Variants in SKIL observed in about 807,000 individuals in gnomAD.
SKIL encodes SKI like proto-oncogene.
A neutral mutation model predicts 69.6 loss-of-function variants in SKIL; 20 were observed. The observed-to-expected ratio is 0.29, with a 90% CI of 0.20 to 0.42. SKIL has a LOEUF of 0.42. Ranked by LOEUF, SKIL falls within the 10% of genes least tolerant of loss-of-function variation. The pLI is 1.00. For synonymous variants in SKIL, 310 were observed against 279.9 expected (o/e 1.11, Z -1.08); for missense variants, 745 against 783.1 (o/e 0.95, Z 0.58).
intron 4 of SKIL, among the ~76,000 whole-genome samples, chr3:170,389,758 T>C (rs1204707540): frequency 6.6e-6 from 1 of 152,230 alleles, no homozygotes; most frequent in African/African-American, 2.4e-5. Context: ...TGTCACACAG[T>C]CTTGATTTCT....
intron 2 of SKIL, among the ~76,000 whole-genome samples, chr3:170,363,718 C>T (rs1221293070): frequency 6.6e-5 from 10 of 152,112 alleles, no homozygotes; most frequent in South Asian, 2.1e-4. Context: ...CTCCTGACCT[C>T]GGGTGATCCA....
In SKIL at chr3:170,395,931, A is replaced by C. The variant is rs201536127; in HGVS notation, c.*3514A>C. 6.8e-6 allele frequency: 1 copy of C among 146,774 alleles called. No individual in the cohort carries two copies. The highest frequency in any genetic ancestry group is 1.5e-5 in the Non-Finnish European group (1 of 66,346). The allele number at this position is 146,774 out of a possible 1,614,324, so 9.1% of individuals were successfully genotyped here. ...ATAAACAGCCTAATTTTTTTTTTCT[A>C]GTATAGGGTACTTAAGCATTTCCAC... On this transcript the variant is annotated 3_prime_UTR_variant, in exon 7 of 7. Coordinates refer to ENST00000259119, the MANE Select transcript of SKIL (RefSeq NM_005414.5).
In SKIL at chr3:170,360,288, G is replaced by GCAACTAAATAAGCAACT. The variant is rs764614226; in HGVS notation, c.-44_-43insCAACTAAATAAGCAACT. 6.0e-6 allele frequency: 9 copies of GCAACTAAATAAGCAACT among 1,496,762 alleles called. No homozygotes were observed. The highest frequency in any genetic ancestry group is 8.0e-6 in the Non-Finnish European group (9 of 1,121,008). The allele number at this position is 1,496,762 out of a possible 1,614,324, so 92.7% of individuals were successfully genotyped here. ...CTCTTTTCAAATAAGCAACTAAATA[G>GCAACTAAATAAGCAACT]AAATGCTAATCTCAGACTTAATTAT... On this transcript the variant is annotated 5_prime_UTR_variant, in exon 2 of 7. Coordinates refer to ENST00000259119, the MANE Select transcript of SKIL (RefSeq NM_005414.5).
At chr3:170,380,778 G>C (rs1293662357) in intron 2 of SKIL, among the ~76,000 whole-genome samples, 1 of 152,160 alleles carries the variant, frequency 6.6e-6, no homozygotes, top group Non-Finnish European at 1.5e-5. Context: ...GTGTCTCTGA[G>C]TTTCAGGTGA....
chr3:170,358,194 C>T (rs1331161321), intron 1 of SKIL, among the ~76,000 whole-genome samples: 6 of 152,216 alleles, frequency 3.9e-5, no homozygotes, highest in South Asian at 2.1e-4. Flanking sequence ...CTGGTGTCCT[C>T]TTCGTTCTGG....
chr3:170,388,467 T>C (rs576556346), intron 4 of SKIL, among the ~76,000 whole-genome samples: 127 of 152,264 alleles, frequency 8.3e-4, no homozygotes, highest in African/African-American at 2.9e-3. Context: ...CTTTTTTTTT[T>C]CCTGAGACAA....
chr3:170,363,453 G>A (rs888796221), intron 2 of SKIL, among the ~76,000 whole-genome samples: 2 of 152,190 alleles, frequency 1.3e-5, no homozygotes, highest in Non-Finnish European at 2.9e-5. Context: ...GTGGCTGCTA[G>A]ATAAGTTTAT....
chr3:170,374,055 G>A (rs1479240113), intron 2 of SKIL, among the ~76,000 whole-genome samples: 1 of 152,166 alleles, frequency 6.6e-6, no homozygotes, highest in Non-Finnish European at 1.5e-5. Flanking sequence ...AGACTGATTA[G>A]CATCGTATCA....
intron 1 of SKIL, 198 bp downstream of exon 1, chr3:170,357,961 A>G (rs1441194253): frequency 6.6e-6 from 1 of 152,328 alleles, no homozygotes; most frequent in Non-Finnish European, 1.5e-5. Flanking sequence ...GGGGGTCGCT[A>G]GGCGGGTGTT....
intron 2 of SKIL, among the ~76,000 whole-genome samples, chr3:170,364,534 G>C (rs1736409834): frequency 6.6e-6 from 1 of 150,648 alleles, no homozygotes; most frequent in African/African-American, 2.4e-5. Flanking sequence ...AGCCTAGCCG[G>C]CTGGTCTTAA....
rs1211653949 is a variant in SKIL at position 170,393,611 on chromosome 3, C to G, written c.*1194C>G. On this transcript the variant is annotated 3_prime_UTR_variant, in exon 7 of 7. Transcript: ENST00000259119. ...TTTGCACAGAAAAGTCTGTCATTCT[C>G]TAATGGCAAATTTCATATTTGTTAA... is the stretch of plus-strand genomic sequence containing the variant. 3 of 152,016 alleles carry G rather than the reference C, an allele frequency of 2.0e-5. No individual in the cohort carries two copies. The highest frequency in any genetic ancestry group is 7.2e-5 in the African/African-American group (3 of 41,406). The allele number at this position is 152,016 out of a possible 1,614,324, so 9.4% of individuals were successfully genotyped here.
Position 170,392,578 on chromosome 3 carries a change from A to G in SKIL, c.*161A>G, listed in dbSNP as rs1376138279. On this transcript the variant is annotated 3_prime_UTR_variant, in exon 7 of 7. Coordinates refer to ENST00000259119, the MANE Select transcript of SKIL (RefSeq NM_005414.5). ...GTGAAGAGATTATATATTAGTACTTAAATTTTTACATTTTCCAAATGAATG... is the reference window on the plus strand; with the variant it reads ...GTGAAGAGATTATATATTAGTACTTGAATTTTTACATTTTCCAAATGAATG... 4 of 423,744 alleles carry G rather than the reference A, an allele frequency of 9.4e-6. No homozygotes were observed. The highest frequency in any genetic ancestry group is 1.7e-5 in the Non-Finnish European group (4 of 235,800). 26.2% of individuals were successfully genotyped at this position (423,744 alleles called of 1,614,324 possible).
At chr3:170,376,368 C>G (rs1577426931) in intron 2 of SKIL, among the ~76,000 whole-genome samples, 1 of 152,176 alleles carries the variant, frequency 6.6e-6, no homozygotes, top group Non-Finnish European at 1.5e-5. Context: ...TTAAATTTTA[C>G]TGATTTGTTA....
chr3:170,357,879 C>A, intron 1 of SKIL, 116 bp downstream of exon 1: 1 of 153,118 alleles, frequency 6.5e-6, no homozygotes, highest in South Asian at 1.9e-4. Flanking sequence ...CAAAGCTCGT[C>A]GAGCTTACCC....
chr3:170,393,393 C>A lies in SKIL; in HGVS notation c.*976C>A, dbSNP rs949596641. On this transcript the variant is annotated 3_prime_UTR_variant, in exon 7 of 7. Transcript: ENST00000259119. ...TTCTGTATGTTTAAATGTTGTCTTACCAAAATTTGCACGAATGGACCATTT... is the reference window on the plus strand; with the variant it reads ...TTCTGTATGTTTAAATGTTGTCTTAACAAAATTTGCACGAATGGACCATTT... The A allele has an allele frequency of 2.0e-5, 3 of 152,080 alleles. No homozygotes were observed. The highest frequency in any genetic ancestry group is 6.6e-5 in the Admixed American group (1 of 15,262). 9.4% of individuals were successfully genotyped at this position (152,080 alleles called of 1,614,324 possible).
At chr3:170,372,603 T>C (rs779484081) in intron 2 of SKIL, among the ~76,000 whole-genome samples, 14 of 152,230 alleles carry the variant, frequency 9.2e-5, no homozygotes, top group African/African-American at 3.4e-4. Flanking sequence ...GGAAACCTGA[T>C]AGTGTACTGA....
intron 1 of SKIL, among the ~76,000 whole-genome samples, chr3:170,359,353 T>A (rs765217771): frequency 6.6e-6 from 1 of 152,188 alleles, no homozygotes. Flanking sequence ...TCCAGCACTT[T>A]GGGAGGCCCG....
intron 2 of SKIL, 122 bp downstream of exon 2, chr3:170,361,551 G>T (rs1003206169): frequency 1.3e-6 from 1 of 786,284 alleles, no homozygotes; most frequent in Admixed American, 2.7e-5. Context: ...ACAAAATACC[G>T]ATTGATATAT....
At chr3:170,379,988 G>T (rs1280732397) in intron 2 of SKIL, among the ~76,000 whole-genome samples, 2 of 152,082 alleles carry the variant, frequency 1.3e-5, no homozygotes, top group Admixed American at 6.6e-5. Context: ...TCTGTAAAAT[G>T]GTAATGATAC....
Sources: allele counts gnomAD v4.1 joint callset (sites outside exome capture counted in the v4.1 genomes callset), GRCh38; gene constraint gnomAD v4.1.1; transcripts MANE v1.5; gene names NCBI Gene and HGNC (gene_info 2026-07-23, HGNC 2026-07-21).